Variants in RABGAP1L observed in about 807,000 individuals in gnomAD.
The protein encoded by RABGAP1L is rab GTPase-activating protein 1-like.
In RABGAP1L, 63 loss-of-function variants were observed where a neutral mutation model predicts 137.7. The observed-to-expected ratio is 0.46, with a 90% CI of 0.37 to 0.56. RABGAP1L has a LOEUF of 0.56. Ranked by LOEUF, RABGAP1L falls within the 20% of genes least tolerant of loss-of-function variation. The pLI is 0.00. For synonymous variants in RABGAP1L, 431 were observed against 433.7 expected (o/e 0.99, Z 0.08); for missense variants, 1,095 against 1,244.0 (o/e 0.88, Z 1.80).
At chr1:174,493,266 G>A (rs534526618) in intron 13 of RABGAP1L, among the ~76,000 whole-genome samples, 1 of 150,772 alleles carries the variant, frequency 6.6e-6, no homozygotes, top group East Asian at 2.0e-4. Context: ...GGAGACTGAG[G>A]TGGGGAGGTG....
chr1:174,422,945 CAAAAAA>C (rs202100563), intron 13 of RABGAP1L, among the ~76,000 whole-genome samples: 1 of 79,644 alleles, frequency 1.3e-5, no homozygotes, highest in African/African-American at 4.4e-5. Flanking sequence ...AGATTCTGTC[CAAAAAA>C]AAAAAAAAAA....
intron 19 of RABGAP1L, among the ~76,000 whole-genome samples, chr1:174,896,269 C>T (rs545860641): frequency 0.012 from 1,782 of 152,284 alleles, 50 homozygotes; most frequent in African/African-American, 0.041. Context: ...TCATATCCTT[C>T]ACCCACTTTT....
intron 13 of RABGAP1L, among the ~76,000 whole-genome samples, chr1:174,411,068 C>T (rs1340734049): frequency 6.6e-6 from 1 of 152,094 alleles, no homozygotes; most frequent in African/African-American, 2.4e-5. Flanking sequence ...AGAAATGCTA[C>T]TGATTTTTGT....
At chr1:174,286,616 T>C (rs555784218) in intron 10 of RABGAP1L, among the ~76,000 whole-genome samples, 8 of 152,236 alleles carry the variant, frequency 5.3e-5, no homozygotes, top group South Asian at 2.1e-4. Context: ...CAGTTTTTTT[T>C]CCCCTAGTTT....
intron 4 of RABGAP1L, among the ~76,000 whole-genome samples, chr1:174,234,241 C>T: frequency 9.5e-6 from 1 of 104,758 alleles, no homozygotes; most frequent in Non-Finnish European, 1.8e-5. Flanking sequence ...ATGGTAGTTT[C>T]TTTTGCTGTG....
chr1:174,712,486 G>A (rs1371724781), intron 17 of RABGAP1L, among the ~76,000 whole-genome samples: 2 of 152,138 alleles, frequency 1.3e-5, no homozygotes, highest in Non-Finnish European at 2.9e-5. Context: ...GCGAGACCAC[G>A]AACCCACCAT....
chr1:174,224,117 G>T (rs1669984287), intron 3 of RABGAP1L, among the ~76,000 whole-genome samples: 1 of 152,150 alleles, frequency 6.6e-6, no homozygotes, highest in African/African-American at 2.4e-5. Context: ...GCATATTTTT[G>T]TGATTGTCAA....
chr1:174,310,953 T>A (rs909246735), intron 11 of RABGAP1L, among the ~76,000 whole-genome samples: 10 of 152,196 alleles, frequency 6.6e-5, no homozygotes, highest in African/African-American at 2.4e-4. Context: ...AAGTTATTAT[T>A]GACTATAGTC....
chr1:174,548,140 C>A, intron 13 of RABGAP1L: 1 of 1,501,638 alleles, frequency 6.7e-7, no homozygotes, highest in Middle Eastern at 1.7e-4. Context: ...TGGATCATTT[C>A]CCAGGTTGAT....
intron 17 of RABGAP1L, among the ~76,000 whole-genome samples, chr1:174,734,984 A>C (rs1572970651): frequency 9.4e-6 from 1 of 106,828 alleles, no homozygotes; most frequent in Non-Finnish European, 1.8e-5. Flanking sequence ...TTTTTAAGAT[A>C]TGGGGTCTCA....
In RABGAP1L at chr1:174,394,151, A is replaced by ATTTTC. The variant is rs774191354; in HGVS notation, c.1710+6_1710+7insTTTTC. ...ACCGAATTCTTATCACAAAGGTAGG[A>ATTTTC]AGAAGTTCTTTTCATATTATTTTCA... On this transcript the variant is annotated splice_region_variant and intron_variant, in intron 13 of 25. Coordinates refer to ENST00000681986, the MANE Select transcript of RABGAP1L (RefSeq NM_001366446.1). The ATTTTC allele has an allele frequency of 2.9e-5, 46 of 1,609,754 alleles. No homozygotes were observed. In the Middle Eastern group the frequency reaches 5.0e-4, roughly 17 times the overall value.
At chr1:174,744,064 GCTA>G (rs932815107) in intron 17 of RABGAP1L, among the ~76,000 whole-genome samples, 1 of 122,632 alleles carries the variant, frequency 8.2e-6, no homozygotes, top group Non-Finnish European at 1.6e-5. Context: ...TGTATACAAG[GCTA>G]CTATGTTGGT....
At chr1:174,424,345 C>A (rs76551549) in intron 13 of RABGAP1L, among the ~76,000 whole-genome samples, 2 of 152,022 alleles carry the variant, frequency 1.3e-5, no homozygotes, top group Non-Finnish European at 2.9e-5. Flanking sequence ...TGCTACTTTT[C>A]TGTTCTCAGT....
At chr1:174,539,128 T>A (rs1665142214) in intron 13 of RABGAP1L, among the ~76,000 whole-genome samples, 2 of 152,138 alleles carry the variant, frequency 1.3e-5, no homozygotes, top group Non-Finnish European at 2.9e-5. Flanking sequence ...AATTACCTAA[T>A]ACTGGCCCAT....
intron 13 of RABGAP1L, among the ~76,000 whole-genome samples, chr1:174,410,183 C>A (rs924936388): frequency 6.6e-6 from 1 of 152,136 alleles, no homozygotes; most frequent in Non-Finnish European, 1.5e-5. Flanking sequence ...TAAAATTCCT[C>A]TCTTTGTACT....
chr1:174,176,817 C>T (rs754078046), intron 1 of RABGAP1L, among the ~76,000 whole-genome samples: 25 of 148,894 alleles, frequency 1.7e-4, no homozygotes, highest in South Asian at 1.1e-3. Flanking sequence ...TGGTGGCTCA[C>T]GTGTGTAATC....
At chr1:174,550,971 C>CAT (rs1335779224) in intron 13 of RABGAP1L, among the ~76,000 whole-genome samples, 1 of 79,494 alleles carries the variant, frequency 1.3e-5, no homozygotes, top group African/African-American at 8.8e-5. Context: ...CATATATATA[C>CAT]ATGTATATAT....
chr1:174,537,343 C>G (rs6668096), intron 13 of RABGAP1L, among the ~76,000 whole-genome samples: 59,255 of 151,932 alleles, frequency 0.39, 14,569 homozygotes, highest in African/African-American at 0.7. Context: ...ACCTATGCTG[C>G]GTATAAAGGA....
Position 174,164,559 on chromosome 1 carries a change from A to G in RABGAP1L, c.-34+4902A>G, listed in dbSNP as rs79182618. Among the ~76,000 whole-genome samples, 607 of 152,290 alleles carry G rather than the reference A, an allele frequency of 4.0e-3. 2 individuals are homozygous for G. Among genetic ancestry groups the G allele is most frequent in the Non-Finnish European group, 7.2e-3 (490 of 68,020 alleles). Reference sequence around the variant, plus strand: ...AGACCAGTTGTGCATATTTCTTCCTATCTAGCTCTTTGTCCAGTGACATCA... The same window carrying G: ...AGACCAGTTGTGCATATTTCTTCCTGTCTAGCTCTTTGTCCAGTGACATCA... On this transcript the variant is annotated intron_variant, in intron 1 of 25. Coordinates refer to ENST00000681986, the MANE Select transcript of RABGAP1L (RefSeq NM_001366446.1).
Sources: allele counts gnomAD v4.1 joint callset (sites outside exome capture counted in the v4.1 genomes callset), GRCh38; gene constraint gnomAD v4.1.1; transcripts MANE v1.5; gene names NCBI Gene and HGNC (gene_info 2026-07-23, HGNC 2026-07-21).